PRLR: variants seen among roughly 807,000 people sequenced by gnomAD.
The protein encoded by PRLR is hPRL receptor.
Under a neutral mutation model 40.2 loss-of-function variants are expected in PRLR, and 13 were observed. That is an observed-to-expected ratio of 0.32 (90% CI 0.21 to 0.51). PRLR has a LOEUF of 0.51. Among genes scored for constraint, PRLR ranks in the 20% least tolerant of loss-of-function variants. PRLR has a pLI of 0.97. For synonymous variants in PRLR, 269 were observed against 278.7 expected (o/e 0.97, Z 0.35); for missense variants, 656 against 747.3 (o/e 0.88, Z 1.42).
chr5:35,055,071 T>A, downstream of PRLR, among the ~76,000 whole-genome samples: 1 of 152,180 alleles, frequency 6.6e-6, no homozygotes, highest in Non-Finnish European at 1.5e-5. Context: ...CTATATATGT[T>A]CAAGTATTTG....
chr5:35,184,127 AATT>A (rs1775363597), intron 1 of PRLR, among the ~76,000 whole-genome samples: 1 of 152,158 alleles, frequency 6.6e-6, no homozygotes, highest in Non-Finnish European at 1.5e-5. Flanking sequence ...GAATAACTGG[AATT>A]CCTGATAATT....
rs1436125193 is a variant in PRLR, at chr5:35,191,360, G to A, written c.-106+38908C>T. Among the ~76,000 whole-genome samples the A allele has an allele frequency of 1.1e-4, 10 of 87,610 alleles. 2 individuals carry two copies. Among genetic ancestry groups the A allele is most frequent in the Non-Finnish European group, 1.6e-4 (6 of 38,204 alleles). The allele number at this position is 87,610 out of a possible 152,430, so 57.5% of individuals were successfully genotyped here. A position where few individuals can be genotyped will look rare whatever the true frequency, so the allele number is the denominator to read the frequency against. On this transcript the variant is annotated intron_variant, in intron 1 of 9. Transcript: ENST00000618457. ...GCTGGGATTACAGGCGTGAGCCACC[G>A]CGCCCGGCCCAGATGTGTTATTTTC... is the stretch of plus-strand genomic sequence containing the variant.
intron 2 of PRLR, among the ~76,000 whole-genome samples, chr5:35,107,735 T>C (rs1772362607): frequency 6.6e-6 from 1 of 152,058 alleles, no homozygotes; most frequent in Non-Finnish European, 1.5e-5. Flanking sequence ...CAATAATTAA[T>C]AGCCTACCAA....
chr5:35,166,193 T>G (rs1365405400), intron 1 of PRLR, among the ~76,000 whole-genome samples: 6 of 152,190 alleles, frequency 3.9e-5, no homozygotes, highest in Non-Finnish European at 1.5e-5. Flanking sequence ...TGCCTCAGAA[T>G]AGTACTTCAA....
intron 1 of PRLR, among the ~76,000 whole-genome samples, chr5:35,165,354 C>A (rs1013832366): frequency 6.6e-6 from 1 of 152,196 alleles, no homozygotes; most frequent in Non-Finnish European, 1.5e-5. Flanking sequence ...TCGTTCTTTA[C>A]CGAATGGCTC....
intron 2 of PRLR, among the ~76,000 whole-genome samples, chr5:35,102,486 G>T (rs1230792364): frequency 1.1e-5 from 1 of 89,396 alleles, no homozygotes; most frequent in Non-Finnish European, 2.5e-5. Context: ...GTCCCGTCCC[G>T]TCTCCTCTCC....
intron 1 of PRLR, among the ~76,000 whole-genome samples, chr5:35,165,273 G>C (rs1485432739): frequency 1.3e-5 from 2 of 152,124 alleles, no homozygotes; most frequent in African/African-American, 4.8e-5. Context: ...AACTCAAAGC[G>C]GGTAAAAACA....
chr5:35,104,672 A>G (rs1301577576), intron 2 of PRLR, among the ~76,000 whole-genome samples: 1 of 152,110 alleles, frequency 6.6e-6, no homozygotes, highest in Non-Finnish European at 1.5e-5. Flanking sequence ...AAGGGTGGGG[A>G]AGGGGCGTCC....
At chr5:35,169,962 G>C (rs879261464) in intron 1 of PRLR, among the ~76,000 whole-genome samples, 3 of 152,082 alleles carry the variant, frequency 2.0e-5, no homozygotes, top group Non-Finnish European at 2.9e-5. Context: ...TATGAGGCTC[G>C]GTCTCTGTGA....
chr5:35,139,939 CAAGT>C (rs1397264737), intron 1 of PRLR, among the ~76,000 whole-genome samples: 4 of 152,238 alleles, frequency 2.6e-5, no homozygotes, highest in African/African-American at 4.8e-5. Flanking sequence ...TAGAAATGAG[CAAGT>C]AGAGAAAATA....
rs1412969084 is a variant in PRLR at position 35,065,064 on chromosome 5, A to T, written c.*25T>A. The T allele has an allele frequency of 1.3e-6, 2 of 1,589,338 alleles. No individual in the cohort carries two copies. Among genetic ancestry groups the T allele is most frequent in the Non-Finnish European group, 1.7e-6 (2 of 1,166,216 alleles). ...TTACCTGAAGAAAAATCACATTTTA[A>T]CCAATCATTCCATTAGTCAAGCTAT... On this transcript the variant is annotated 3_prime_UTR_variant, in exon 10 of 10. Transcript: ENST00000618457.
At chr5:35,106,219 G>A (rs2111594547) in intron 2 of PRLR, among the ~76,000 whole-genome samples, 1 of 152,298 alleles carries the variant, frequency 6.6e-6, no homozygotes, top group South Asian at 2.1e-4. Flanking sequence ...AAGAGCTCCT[G>A]AAGGAAGCAC....
At chr5:35,149,269 T>C (rs1039722148) in intron 1 of PRLR, among the ~76,000 whole-genome samples, 1 of 152,204 alleles carries the variant, frequency 6.6e-6, no homozygotes, top group Non-Finnish European at 1.5e-5. Flanking sequence ...GTTTTGTTTG[T>C]GGTTTTGAGA....
chr5:35,112,697 T>A (rs966788204), intron 2 of PRLR, among the ~76,000 whole-genome samples: 1 of 152,188 alleles, frequency 6.6e-6, no homozygotes. Flanking sequence ...CTTGTACCAA[T>A]ACAGCCTGTG....
At chr5:35,156,159 A>T (rs1383290498) in intron 1 of PRLR, among the ~76,000 whole-genome samples, 1 of 150,640 alleles carries the variant, frequency 6.6e-6, no homozygotes, top group East Asian at 1.9e-4. Flanking sequence ...AAACAAAACC[A>T]ACTTTGAATC....
intron 1 of PRLR, among the ~76,000 whole-genome samples, chr5:35,209,486 C>T (rs924109240): frequency 6.6e-6 from 1 of 152,092 alleles, no homozygotes; most frequent in South Asian, 2.1e-4. Context: ...GTACTTAAGA[C>T]CCACTGTTCA....
chr5:35,136,222 T>C (rs953106293), intron 1 of PRLR, among the ~76,000 whole-genome samples: 2 of 152,330 alleles, frequency 1.3e-5, no homozygotes, highest in South Asian at 2.1e-4. Flanking sequence ...CTGAGGCCCA[T>C]GTATGAACCC....
intron 2 of PRLR, among the ~76,000 whole-genome samples, chr5:35,098,296 C>A (rs911196683): frequency 6.6e-6 from 1 of 152,142 alleles, no homozygotes; most frequent in East Asian, 1.9e-4. Context: ...AGTGTCTATA[C>A]CCTTCGTTTG....
intron 1 of PRLR, among the ~76,000 whole-genome samples, chr5:35,208,004 A>G (rs1776067644): frequency 1.3e-5 from 2 of 152,186 alleles, no homozygotes; most frequent in Admixed American, 1.3e-4. Flanking sequence ...TGCTATGAAT[A>G]AGAACTTAAT....
Sources: allele counts gnomAD v4.1 joint callset (sites outside exome capture counted in the v4.1 genomes callset), GRCh38; gene constraint gnomAD v4.1.1; transcripts MANE v1.5; gene names NCBI Gene and HGNC (gene_info 2026-07-23, HGNC 2026-07-21).